Variants in ITPR2 observed in about 807,000 individuals in gnomAD.
The protein encoded by ITPR2 is inositol 1,4,5-trisphosphate receptor type 2, also known as inositol 1,4,5-trisphosphate-gated calcium channel ITPR2.
In ITPR2, 207 loss-of-function variants were observed where a neutral mutation model predicts 317.1. The ratio of observed to expected loss-of-function variants is 0.65; its 90% CI spans 0.58 to 0.73. ITPR2 has a LOEUF of 0.73. Ranked by LOEUF, ITPR2 falls within the 30% of genes least tolerant of loss-of-function variation. ITPR2 has a pLI of 0.00. For synonymous variants in ITPR2, 1,156 were observed against 1,149.1 expected, an observed-to-expected ratio of 1.01 and a Z score of -0.12; for missense variants, 2,613 against 3,284.0, an observed-to-expected ratio of 0.80 and a Z score of 4.99.
intron 20 of ITPR2, 36 bp from the exon 21 acceptor site, chr12:26,654,162 GA>G: frequency 6.7e-7 from 1 of 1,498,704 alleles, no homozygotes. Context: ...GGGGGAGGGT[GA>G]AAGAGTGGAA....
intron 21 of ITPR2, among the ~76,000 whole-genome samples, chr12:26,634,855 A>C (rs1230992602): frequency 1.6e-5 from 2 of 128,652 alleles, no homozygotes; most frequent in Non-Finnish European, 3.2e-5. Context: ...ACCGCACTCC[A>C]GCCCAGGCAA....
chr12:26,339,997 G>T (rs757732652), intron 56 of ITPR2, among the ~76,000 whole-genome samples, 170 bp downstream of exon 56: 1 of 152,136 alleles, frequency 6.6e-6, no homozygotes, highest in Non-Finnish European at 1.5e-5. Context: ...GGGATAAGTA[G>T]AAGTCCCCGT....
intron 46 of ITPR2, among the ~76,000 whole-genome samples, chr12:26,443,230 G>C (rs1169497036): frequency 6.6e-6 from 1 of 152,004 alleles, no homozygotes; most frequent in African/African-American, 2.4e-5. Context: ...CTGAATGATG[G>C]CTTCTATTAT....
chr12:26,706,715 C>A (rs1948559596), intron 9 of ITPR2, among the ~76,000 whole-genome samples: 1 of 152,112 alleles, frequency 6.6e-6, no homozygotes. Context: ...CAAAGGCCTG[C>A]TAATAGCTGA....
At chr12:26,767,134 G>A (rs1949735498) in intron 2 of ITPR2, among the ~76,000 whole-genome samples, 1 of 152,088 alleles carries the variant, frequency 6.6e-6, no homozygotes, top group Non-Finnish European at 1.5e-5. Flanking sequence ...TTTCCTTGAT[G>A]GCCCTGCAGC....
intron 2 of ITPR2, among the ~76,000 whole-genome samples, chr12:26,759,786 G>A (rs11048674): frequency 0.036 from 5,488 of 152,112 alleles, 552 homozygotes; most frequent in East Asian, 0.29. Context: ...ACAACTCTTC[G>A]GCTAAGCCCA....
chr12:26,824,616 AAG>A (rs2137300328), intron 1 of ITPR2, among the ~76,000 whole-genome samples: 1 of 152,338 alleles, frequency 6.6e-6, no homozygotes, highest in South Asian at 2.1e-4. Flanking sequence ...TAAGAAATTG[AAG>A]AGTCCTTAAA....
chr12:26,625,538 TAA>T (rs1390446658), intron 23 of ITPR2, among the ~76,000 whole-genome samples: 1 of 152,190 alleles, frequency 6.6e-6, no homozygotes, highest in Non-Finnish European at 1.5e-5. Context: ...ATAGTTCCAC[TAA>T]GACATCAATG....
chr12:26,778,978 T>C (rs1375103360), intron 2 of ITPR2, among the ~76,000 whole-genome samples: 1 of 152,140 alleles, frequency 6.6e-6, no homozygotes, highest in African/African-American at 2.4e-5. Flanking sequence ...GGCAACACAT[T>C]CGTCATTTGG....
chr12:26,672,430 A>C lies in ITPR2; in HGVS notation c.1410-6379T>G, dbSNP rs1471465781. Among the ~76,000 whole-genome samples the C allele has an allele frequency of 2.0e-3, 306 of 152,124 alleles. 1 individual carries two copies. Among genetic ancestry groups the C allele is most frequent in the African/African-American group, 6.0e-3 (251 of 41,508 alleles). On this transcript the variant is annotated intron_variant, in intron 13 of 56. Coordinates refer to ENST00000381340, the MANE Select transcript of ITPR2 (RefSeq NM_002223.4). The stretch of plus-strand genomic sequence containing the variant: ...ACCACTCAACTACATGGAAACTGAA[A>C]AACCTGCTCCTGAATGACTACTGGG...
At chr12:26,455,722 T>G (rs1310109710) in intron 45 of ITPR2, among the ~76,000 whole-genome samples, 1 of 152,154 alleles carries the variant, frequency 6.6e-6, no homozygotes, top group Non-Finnish European at 1.5e-5. Flanking sequence ...TTGGAAAAAC[T>G]TATTGTCCTT....
At chr12:26,390,966 G>A (rs541697965) in intron 54 of ITPR2, among the ~76,000 whole-genome samples, 3 of 152,230 alleles carry the variant, frequency 2.0e-5, no homozygotes, top group South Asian at 2.1e-4. Context: ...GGCACGTTGC[G>A]TTATATTCTG....
At chr12:26,777,666 T>A (rs893191944) in intron 2 of ITPR2, among the ~76,000 whole-genome samples, 6 of 150,860 alleles carry the variant, frequency 4.0e-5, no homozygotes, top group African/African-American at 1.5e-4. Flanking sequence ...AACTTCCAGG[T>A]CGAATGGACA....
chr12:26,713,110 T>C (rs1948678152), intron 8 of ITPR2, among the ~76,000 whole-genome samples: 1 of 152,146 alleles, frequency 6.6e-6, no homozygotes, highest in Admixed American at 6.5e-5. Context: ...TAGTGCCCGC[T>C]CCTACAAGGT....
At chr12:26,772,415 T>TATATATATTATATAATATATATATA (rs1949861698) in intron 2 of ITPR2, among the ~76,000 whole-genome samples, 4 of 120,974 alleles carry the variant, frequency 3.3e-5, no homozygotes, top group African/African-American at 1.1e-4. Context: ...TATACACATT[T>TATATATATTATATAATATATATATA]ATATATATTA....
chr12:26,517,111 C>A (rs1402316437), intron 37 of ITPR2, among the ~76,000 whole-genome samples: 1 of 152,082 alleles, frequency 6.6e-6, no homozygotes, highest in Non-Finnish European at 1.5e-5. Flanking sequence ...AAAATAAACT[C>A]TCCTTAAACA....
chr12:26,716,480 C>A (rs369241600), intron 5 of ITPR2, among the ~76,000 whole-genome samples: 3 of 152,192 alleles, frequency 2.0e-5, no homozygotes, highest in East Asian at 3.9e-4. Flanking sequence ...TAGTGTGGAT[C>A]TTTTTCATAT....
At chr12:26,536,318 T>C (rs1010904973) in intron 37 of ITPR2, among the ~76,000 whole-genome samples, 1 of 152,232 alleles carries the variant, frequency 6.6e-6, no homozygotes, top group African/African-American at 2.4e-5. Context: ...GCAACAATAC[T>C]GCAATTTTCT....
intron 21 of ITPR2, among the ~76,000 whole-genome samples, chr12:26,642,753 T>C (rs1947021581): frequency 6.6e-6 from 1 of 152,220 alleles, no homozygotes. Flanking sequence ...AAAGGCCTGC[T>C]GTGCAAAATG....
Sources: gnomAD v4.1 joint callset for allele counts (sites outside exome capture counted in the v4.1 genomes callset) on GRCh38, gnomAD v4.1.1 for gene constraint, MANE v1.5 for transcripts, NCBI Gene and HGNC (gene_info 2026-07-23, HGNC 2026-07-21) for gene names.